The following BFAR variants were observed in gnomAD, a reference collection of about 807,000 sequenced individuals.
BFAR encodes RING finger protein 47.
A neutral mutation model predicts 54.4 loss-of-function variants in BFAR; 52 were observed. That is an observed-to-expected ratio of 0.96 (90% CI 0.77 to 1.21). The LOEUF (loss-of-function observed/expected upper bound fraction) is 1.21, where lower values mean the gene tolerates loss of function less well. Ranked by LOEUF, BFAR falls within the 50% of genes most tolerant of loss-of-function variation. The pLI is 0.00. For synonymous variants in BFAR, 215 were observed against 204.3 expected (o/e 1.05, Z -0.45); for missense variants, 571 against 534.0 (o/e 1.07, Z -0.68).
In BFAR at chr16:14,653,031, A is replaced by C. The variant is rs185241229; in HGVS notation, c.639-2035A>C. Among the ~76,000 whole-genome samples, 85 of 152,256 alleles carry C rather than the reference A, an allele frequency of 5.6e-4. 2 individuals carry two copies. Among genetic ancestry groups the C allele is most frequent in the African/African-American group, 2.0e-3 (82 of 41,558 alleles). On this transcript the variant is annotated intron_variant, in intron 4 of 7. Transcript: ENST00000261658. ...CCTACTTTAATTAGCTTTATATAGA[A>C]ATTCACCTCCCGCAAAATTATGGTA...
At position 14,639,313 on chromosome 16, in the gene BFAR, C is replaced by CT. The variant is rs1031075704; in HGVS notation, c.-73-4949dup. The stretch of plus-strand genomic sequence containing the variant: ...GCACCCCAGAACTAAGAAATAAGTT[C>CT]TTTTTTTTTTTTCAGACAGAGTCTC... On this transcript the variant is annotated intron_variant, in intron 1 of 7. Coordinates refer to ENST00000261658, the MANE Select transcript of BFAR (RefSeq NM_016561.3). 8.2e-3 allele frequency among the ~76,000 whole-genome samples: 1,191 copies of CT among 145,788 alleles called. 7 individuals carry two copies. The highest frequency in any genetic ancestry group is 0.02 in the East Asian group (99 of 5,010).
chr16:14,669,129 C>T lies in BFAR; in HGVS notation c.*1302C>T, dbSNP rs895648909. The T allele has an allele frequency of 2.4e-6, 1 of 414,742 alleles. No individual in the cohort carries two copies. The highest frequency in any genetic ancestry group is 4.9e-6 in the Non-Finnish European group (1 of 204,232). 25.7% of individuals were successfully genotyped at this position (414,742 alleles called of 1,614,324 possible). A position where few individuals can be genotyped will look rare whatever the true frequency, so the allele number is the denominator to read the frequency against. On this transcript the variant is annotated 3_prime_UTR_variant, in exon 8 of 8. Coordinates refer to ENST00000261658, the MANE Select transcript of BFAR (RefSeq NM_016561.3). ...TTATCTTGTGACTCCATGAACCATT[C>T]ATTAACCCTTTGTATCTTTGAGTGA...
intron 4 of BFAR, among the ~76,000 whole-genome samples, chr16:14,653,634 G>T (rs563535378): frequency 3.1e-4 from 47 of 152,090 alleles, no homozygotes; most frequent in African/African-American, 1.0e-3. Flanking sequence ...GCCAGAATTT[G>T]TGTTTTCTGA....
chr16:14,655,732 G>A (rs755985860), intron 5 of BFAR, among the ~76,000 whole-genome samples: 43 of 152,030 alleles, frequency 2.8e-4, no homozygotes, highest in Non-Finnish European at 3.8e-4. Flanking sequence ...CAGCCACCGC[G>A]CCTGGCCTGT....
chr16:14,638,219 CA>C (rs1318307405), intron 1 of BFAR, among the ~76,000 whole-genome samples: 5 of 151,950 alleles, frequency 3.3e-5, no homozygotes, highest in Admixed American at 3.3e-4. Flanking sequence ...CCTGTCTATA[CA>C]AAAAAAATTT....
chr16:14,662,192 C>A, intron 6 of BFAR, 127 bp downstream of exon 6: 2 of 1,099,580 alleles, frequency 1.8e-6, no homozygotes, highest in South Asian at 2.9e-5. Flanking sequence ...TCTGGTAGGT[C>A]ATTTGAGAGT....
rs774331163 is a variant in BFAR at position 14,648,501 on chromosome 16, A to G, written c.377A>G (p.Gln126Arg). The change falls in exon 3 of 8, where the codon CAG becomes CGG. Residue 126 changes from glutamine (Q) to arginine (R), a missense_variant. Physicochemically the swap from Gln to Arg is conservative, Grantham distance 43. Coordinates refer to ENST00000261658, the MANE Select transcript of BFAR (RefSeq NM_016561.3). ...GCCTTTCAGAAATATGGGAATGATC[A>G]GATTCCTTTAGCTCCTAACACAGGC... ...LAAFQKYGND[Q>R]IPLAPNTGRA... The G allele has an allele frequency of 1.9e-6, 3 of 1,613,912 alleles. No homozygotes were observed.
chr16:14,663,661 T>C (rs1483773893), intron 6 of BFAR, among the ~76,000 whole-genome samples: 2 of 152,122 alleles, frequency 1.3e-5, no homozygotes, highest in African/African-American at 4.8e-5. Context: ...TCTGCTAATA[T>C]GTGTAATTGA....
At chr16:14,641,332 C>G (rs1268203938) in intron 1 of BFAR, among the ~76,000 whole-genome samples, 1 of 152,156 alleles carries the variant, frequency 6.6e-6, no homozygotes, top group African/African-American at 2.4e-5. Flanking sequence ...ACGCCTGCAG[C>G]CTGCTGCTGA....
chr16:14,650,538 G>A (rs560057361), intron 4 of BFAR: 1 of 152,216 alleles, frequency 6.6e-6, no homozygotes, highest in African/African-American at 2.4e-5. Flanking sequence ...TCTACTTTCT[G>A]TCTTTATGGA....
chr16:14,641,847 A>T (rs1250126347), intron 1 of BFAR, among the ~76,000 whole-genome samples: 1 of 152,206 alleles, frequency 6.6e-6, no homozygotes, highest in Admixed American at 6.5e-5. Flanking sequence ...GGGCAAAAAG[A>T]GCAAAACTCT....
At chr16:14,635,348 A>G (rs1959399395) in intron 1 of BFAR, among the ~76,000 whole-genome samples, 1 of 152,168 alleles carries the variant, frequency 6.6e-6, no homozygotes, top group African/African-American at 2.4e-5. Flanking sequence ...GACATAAAAG[A>G]TTGAAAACAA....
At chr16:14,664,210 C>T (rs1030757077) in intron 6 of BFAR, among the ~76,000 whole-genome samples, 3 of 151,972 alleles carry the variant, frequency 2.0e-5, no homozygotes, top group Admixed American at 1.3e-4. Context: ...AGGGAAGGGG[C>T]ATACATGCTT....
intron 7 of BFAR, among the ~76,000 whole-genome samples, chr16:14,665,870 A>G (rs1298897605): frequency 6.6e-6 from 1 of 152,184 alleles, no homozygotes; most frequent in Non-Finnish European, 1.5e-5. Context: ...AAGAGATCTC[A>G]TGGGAAATTC....
intron 1 of BFAR, 135 bp downstream of exon 1, chr16:14,633,153 C>A (rs1237326775): frequency 6.6e-6 from 1 of 152,436 alleles, no homozygotes; most frequent in Non-Finnish European, 1.5e-5. Flanking sequence ...CGGGGCCTCT[C>A]CTCACGCAGG....
At chr16:14,643,812 T>C (rs1959698945) in intron 1 of BFAR, 1 of 151,830 alleles carries the variant, frequency 6.6e-6, no homozygotes, top group African/African-American at 2.4e-5. Context: ...CTTTACAATT[T>C]GTCTAGAAGG....
intron 5 of BFAR, among the ~76,000 whole-genome samples, 171 bp from the exon 6 acceptor site, chr16:14,661,721 C>T (rs907164558): frequency 6.6e-6 from 1 of 152,138 alleles, no homozygotes; most frequent in African/African-American, 2.4e-5. Context: ...AATCTTTATA[C>T]AATGTAACCC....
At chr16:14,634,266 G>C (rs1959363934) in intron 1 of BFAR, among the ~76,000 whole-genome samples, 1 of 152,192 alleles carries the variant, frequency 6.6e-6, no homozygotes, top group African/African-American at 2.4e-5. Flanking sequence ...GGGTTGTTTT[G>C]TTTGTTCTTG....
At position 14,648,470 on chromosome 16, in the gene BFAR, C is replaced by T. The variant is rs1959867202; in HGVS notation, c.346C>T (p.Leu116Phe). ...GCAGAATAATGACATAGTCCAAAGT[C>T]TTGCAGCCTTTCAGAAATATGGGAA... ...IQQNNDIVQS[L>F]AAFQKYGNDQ... The change falls in exon 3 of 8, where the codon CTT becomes TTT. Residue 116 changes from leucine to phenylalanine, a missense_variant. Leu to Phe is a conservative substitution (Grantham distance 22). Coordinates refer to ENST00000261658, the MANE Select transcript of BFAR (RefSeq NM_016561.3). The T allele has an allele frequency of 6.2e-7, 1 of 1,613,600 alleles. No homozygotes were observed. The highest frequency in any genetic ancestry group is 8.5e-7 in the Non-Finnish European group (1 of 1,179,686).
Sources: gnomAD v4.1 joint callset for allele counts (sites outside exome capture counted in the v4.1 genomes callset) on GRCh38, gnomAD v4.1.1 for gene constraint, MANE v1.5 for transcripts, NCBI Gene and HGNC (gene_info 2026-07-23, HGNC 2026-07-21) for gene names.